Variants in AVPI1 observed in about 807,000 individuals in gnomAD.
AVPI1 encodes the protein arginine vasopressin-induced protein 1.
In AVPI1, 9 loss-of-function variants were observed where a neutral mutation model predicts 11.9. That is an observed-to-expected ratio of 0.76 (90% CI 0.46 to 1.32). The LOEUF (loss-of-function observed/expected upper bound fraction) is 1.32, where lower values mean the gene tolerates loss of function less well. AVPI1 is among the 40% of genes most tolerant of loss of function. AVPI1 has a pLI of 0.00. For synonymous variants in AVPI1, 68 were observed against 78.1 expected (o/e 0.87, Z 0.68); for missense variants, 207 against 195.8 (o/e 1.06, Z -0.34).
chr10:97,678,938 T>TCA (rs2041684543), intron 2 of AVPI1, among the ~76,000 whole-genome samples: 2 of 33,680 alleles, frequency 5.9e-5, no homozygotes, highest in African/African-American at 2.3e-4. Flanking sequence ...TGTGTGTGTG[T>TCA]GTGTGTGTGT....
At position 97,684,499 on chromosome 10, in the gene AVPI1, T is replaced by TTC. The variant is rs2041719654; in HGVS notation, c.-11+2266_-11+2267insGA. Among the ~76,000 whole-genome samples, 3 of 144,126 alleles carry TTC rather than the reference T, an allele frequency of 2.1e-5. No homozygotes were observed. In the East Asian group the frequency reaches 6.1e-4, roughly 29 times the overall value. 94.6% of individuals were successfully genotyped at this position (144,126 alleles called of 152,430 possible). On this transcript the variant is annotated intron_variant, in intron 1 of 2. Transcript: ENST00000370626. ...TGAGGCCCCTCACTCTTTTTACTCT[T>TTC]TTTTTTTTTTTTTTTTGAGGCGGAG...
chr10:97,679,507 TG>T, intron 2 of AVPI1, 111 bp downstream of exon 2: 1 of 1,318,562 alleles, frequency 7.6e-7, no homozygotes, highest in Non-Finnish European at 1.0e-6. Context: ...ACCCCAATGG[TG>T]GGCAGGCACT....
rs2041734416 is a variant in AVPI1 at position 97,687,051 on chromosome 10, C to G, written c.-296G>C. 6.6e-6 allele frequency: 1 copy of G among 152,314 alleles called. No individual in the cohort carries two copies. Among genetic ancestry groups the G allele is most frequent in the Admixed American group, 6.5e-5 (1 of 15,282 alleles). The allele number at this position is 152,314 out of a possible 1,614,324, so 9.4% of individuals were successfully genotyped here. A position where few individuals can be genotyped will look rare whatever the true frequency, so the allele number is the denominator to read the frequency against. ...TCTGGCGGTCGCGTCCCGCTGGCAC[C>G]CCGGCTCTGACTGTCGCCCTCCGGC... On this transcript the variant is annotated 5_prime_UTR_variant, in exon 1 of 3. Transcript: ENST00000370626.
At position 97,678,924 on chromosome 10, in the gene AVPI1, TGTGTGTGTGTGTGTGTGTGTGTGTG is replaced by T. The variant is rs2041683965; in HGVS notation, c.287+670_287+694del. On this transcript the variant is annotated intron_variant, in intron 2 of 2. Transcript: ENST00000370626. The stretch of plus-strand genomic sequence containing the variant: ...GTGTGTGTGTGTGTGTGTGTGTGTG[TGTGTGTGTGTGTGTGTGTGTGTGTG>T]TGTGTGTGTGTGTGTGTGTGTGTGT... Among the ~76,000 whole-genome samples the T allele has an allele frequency of 3.4e-4, 6 of 17,574 alleles. 1 individual carries two copies. Among genetic ancestry groups the T allele is most frequent in the African/African-American group, 1.2e-3 (6 of 4,812 alleles). The allele number at this position is 17,574 out of a possible 152,430, so 11.5% of individuals were successfully genotyped here. A position where few individuals can be genotyped will look rare whatever the true frequency, so the allele number is the denominator to read the frequency against.
At chr10:97,683,005 C>G (rs1282430796) in intron 1 of AVPI1, among the ~76,000 whole-genome samples, 2 of 152,134 alleles carry the variant, frequency 1.3e-5, no homozygotes, top group African/African-American at 2.4e-5. Flanking sequence ...TCAGGCAATA[C>G]GTATGATATC....
Position 97,678,031 on chromosome 10 carries a change from G to A in AVPI1, c.288-6C>T. 1.2e-6 allele frequency: 2 copies of A among 1,612,642 alleles called. No individual in the cohort carries two copies. Among genetic ancestry groups the A allele is most frequent in the Non-Finnish European group, 1.7e-6 (2 of 1,179,158 alleles). ...CAGAGTGGGGCTCCAGGATTCTGCA[G>A]AGAACAAGTGTATGATTAGCCAACA... On this transcript the variant is annotated splice_polypyrimidine_tract_variant and splice_region_variant and intron_variant, in intron 2 of 2. Transcript: ENST00000370626.
chr10:97,678,107 C>A (rs889810034), intron 2 of AVPI1, 82 bp from the exon 3 acceptor site: 3 of 1,448,924 alleles, frequency 2.1e-6, no homozygotes, highest in Non-Finnish European at 2.8e-6. Flanking sequence ...CATGGTGGAC[C>A]ATAAAACATA....
chr10:97,681,894 G>GAAAAAAAAAAAAAAAA (rs555725587), intron 1 of AVPI1, among the ~76,000 whole-genome samples: 3 of 106,244 alleles, frequency 2.8e-5, no homozygotes, highest in Admixed American at 1.1e-4. Flanking sequence ...CAAAAAAAAA[G>GAAAAAAAAAAAAAAAA]AAAAAAAAAA....
intron 2 of AVPI1, among the ~76,000 whole-genome samples, chr10:97,678,930 TGTGTGTGTGTGTGTGTGTGTGTG>T (rs2041684297): frequency 4.9e-5 from 1 of 20,402 alleles, no homozygotes; most frequent in African/African-American, 1.7e-4. Flanking sequence ...TGTGTGTGTG[TGTGTGTGTGTGTGTGTGTGTGTG>T]TGTGTGTGTG....
rs1442613878 is a variant in AVPI1 at position 97,686,775 on chromosome 10, G to C, written c.-20C>G. 1 of 152,430 alleles carries C rather than the reference G, an allele frequency of 6.6e-6. No homozygotes were observed. Among genetic ancestry groups the C allele is most frequent in the Non-Finnish European group, 1.5e-5 (1 of 68,258 alleles). The allele number at this position is 152,430 out of a possible 1,614,324, so 9.4% of individuals were successfully genotyped here. ...TGGAGCAGGTACTCACCACACTGAAGGGCAGCTCCGACAGACCTCAAATGG... is the reference window on the plus strand; with the variant it reads ...TGGAGCAGGTACTCACCACACTGAACGGCAGCTCCGACAGACCTCAAATGG... On this transcript the variant is annotated 5_prime_UTR_variant, in exon 1 of 3. Coordinates refer to ENST00000370626, the MANE Select transcript of AVPI1 (RefSeq NM_021732.3).
chr10:97,679,495 C>T lies in AVPI1; in HGVS notation c.287+124G>A, dbSNP rs1039384380. On this transcript the variant is annotated intron_variant, in intron 2 of 2. Transcript: ENST00000370626. ...TGGTGACACTGTGTAGACCTTATAA[C>T]CACCCCAATGGTGGGCAGGCACTTT... 7.0e-5 allele frequency: 87 copies of T among 1,236,582 alleles called. 1 individual carries two copies. Among genetic ancestry groups the T allele is most frequent in the Non-Finnish European group, 9.3e-5 (85 of 910,616 alleles). The allele number at this position is 1,236,582 out of a possible 1,614,324, so 76.6% of individuals were successfully genotyped here. A position where few individuals can be genotyped will look rare whatever the true frequency, so the allele number is the denominator to read the frequency against.
Position 97,679,523 on chromosome 10 carries a change from AGT to A in AVPI1, c.287+94_287+95del, listed in dbSNP as rs2041691318. The A allele has an allele frequency of 2.5e-5, 36 of 1,411,812 alleles. 2 individuals are homozygous for A. In the South Asian group the frequency reaches 5.2e-4, roughly 20 times the overall value. 87.5% of individuals were successfully genotyped at this position (1,411,812 alleles called of 1,614,324 possible). On this transcript the variant is annotated intron_variant, in intron 2 of 2. Coordinates refer to ENST00000370626, the MANE Select transcript of AVPI1 (RefSeq NM_021732.3). ...CCCCAATGGTGGGCAGGCACTTTAC[AGT>A]GAGGCCAAGTAACTAGCTCCAGGCC...
At chr10:97,678,048 T>C (rs376653134) in intron 2 of AVPI1, 23 bp from the exon 3 acceptor site, 20 of 1,605,372 alleles carry the variant, frequency 1.2e-5, no homozygotes, top group East Asian at 4.5e-5. Context: ...AGTGTATGAT[T>C]AGCCAACATC....
intron 1 of AVPI1, among the ~76,000 whole-genome samples, chr10:97,683,851 A>G (rs1245581871): frequency 6.6e-6 from 1 of 152,240 alleles, no homozygotes; most frequent in Non-Finnish European, 1.5e-5. Flanking sequence ...GGCAATTCAC[A>G]TCCCCTCTGT....
intron 2 of AVPI1, among the ~76,000 whole-genome samples, 198 bp from the exon 3 acceptor site, chr10:97,678,223 A>G (rs1468974502): frequency 6.6e-6 from 1 of 152,220 alleles, no homozygotes; most frequent in African/African-American, 2.4e-5. Context: ...AAAGGGTTGG[A>G]CCAGATCAGG....
In AVPI1 at chr10:97,677,621, G is replaced by A. The variant is rs1022474891; in HGVS notation, c.*248C>T. On this transcript the variant is annotated 3_prime_UTR_variant, in exon 3 of 3. Coordinates refer to ENST00000370626, the MANE Select transcript of AVPI1 (RefSeq NM_021732.3). ...GGGAATATCATGCAGCCCAGGAATA[G>A]TGTTAGACTGGGAAGGACTGTGGCA... The A allele has an allele frequency of 2.1e-5, 10 of 478,336 alleles. No homozygotes were observed. Among genetic ancestry groups the A allele is most frequent in the African/African-American group, 1.8e-4 (9 of 51,324 alleles). The allele number at this position is 478,336 out of a possible 1,614,324, so 29.6% of individuals were successfully genotyped here.
chr10:97,678,149 C>G, intron 2 of AVPI1, 124 bp from the exon 3 acceptor site: 5 of 1,078,076 alleles, frequency 4.6e-6, no homozygotes, highest in Non-Finnish European at 5.3e-6. Context: ...CGGGGCTCTG[C>G]TCTGGTCTTT....
intron 2 of AVPI1, 75 bp downstream of exon 2, chr10:97,679,544 C>G (rs2041691449): frequency 1.3e-6 from 2 of 1,481,524 alleles, no homozygotes; most frequent in Non-Finnish European, 9.0e-7. Context: ...GTAACTAGCT[C>G]CAGGCCACAC....
chr10:97,681,437 C>T (rs2041702844), intron 1 of AVPI1, among the ~76,000 whole-genome samples: 1 of 151,864 alleles, frequency 6.6e-6, no homozygotes, highest in Non-Finnish European at 1.5e-5. Context: ...ACAAAAGTAG[C>T]CGGGCGTGGT....
Sources: allele counts gnomAD v4.1 joint callset (sites outside exome capture counted in the v4.1 genomes callset), GRCh38; gene constraint gnomAD v4.1.1; transcripts MANE v1.5; gene names NCBI Gene and HGNC (gene_info 2026-07-23, HGNC 2026-07-21).